The following CADM1 variants were observed in gnomAD, a reference collection of about 807,000 sequenced individuals.
The protein encoded by CADM1 is TSLC-1.
Under a neutral mutation model 53.1 loss-of-function variants are expected in CADM1, and 15 were observed. That is an observed-to-expected ratio of 0.28 (90% confidence interval 0.19 to 0.44). CADM1 has a LOEUF of 0.44. Ranked by LOEUF, CADM1 falls within the 20% of genes least tolerant of loss-of-function variation. CADM1 has a pLI of 1.00. For missense variants in CADM1, 434 were observed against 611.3 expected, an observed-to-expected ratio of 0.71 and a Z score of 3.06; for synonymous variants, 281 against 243.0, an observed-to-expected ratio of 1.16 and a Z score of -1.45.
At chr11:115,404,346 A>AAAAAAAATATAT (rs1947251974) in intron 1 of CADM1, among the ~76,000 whole-genome samples, 1 of 33,780 alleles carries the variant, frequency 3.0e-5, no homozygotes, top group Non-Finnish European at 4.9e-5. Context: ...AAAAAAAAAA[A>AAAAAAAATATAT]ATATATATAT....
intron 1 of CADM1, among the ~76,000 whole-genome samples, chr11:115,366,104 T>A (rs887703585): frequency 6.6e-6 from 1 of 152,194 alleles, no homozygotes; most frequent in African/African-American, 2.4e-5. Context: ...GTCACTCGGG[T>A]CACATGTTAT....
At chr11:115,304,659 C>A (rs1253782746) in intron 1 of CADM1, among the ~76,000 whole-genome samples, 1 of 151,934 alleles carries the variant, frequency 6.6e-6, no homozygotes, top group East Asian at 1.9e-4. Flanking sequence ...AAGCAATAAT[C>A]TGATTGGATA....
chr11:115,193,490 A>G (rs1473747664), intron 9 of CADM1, among the ~76,000 whole-genome samples: 1 of 152,212 alleles, frequency 6.6e-6, no homozygotes, highest in Non-Finnish European at 1.5e-5. Flanking sequence ...ACAATGTGCT[A>G]TAACATACCC....
intron 4 of CADM1, among the ~76,000 whole-genome samples, 155 bp from the exon 5 acceptor site, chr11:115,229,426 T>C (rs1941738565): frequency 6.6e-6 from 1 of 152,352 alleles, no homozygotes; most frequent in Non-Finnish European, 1.5e-5. Flanking sequence ...GATAGTTACC[T>C]GATAAAGTTT....
At chr11:115,195,290 T>C (rs1329036902) in intron 9 of CADM1, among the ~76,000 whole-genome samples, 1 of 152,230 alleles carries the variant, frequency 6.6e-6, no homozygotes, top group African/African-American at 2.4e-5. Context: ...AATCAGATAT[T>C]GGTAAGAACA....
chr11:115,376,670 A>G (rs1207140866), intron 1 of CADM1, among the ~76,000 whole-genome samples: 2 of 152,240 alleles, frequency 1.3e-5, no homozygotes, highest in Non-Finnish European at 2.9e-5. Flanking sequence ...CCACTGATTG[A>G]GAGAATCGTG....
intron 1 of CADM1, among the ~76,000 whole-genome samples, chr11:115,462,311 C>A (rs1285368175): frequency 6.6e-6 from 1 of 152,136 alleles, no homozygotes; most frequent in Non-Finnish European, 1.5e-5. Context: ...GAAAAGCAGC[C>A]CAGGAAGAGG....
intron 1 of CADM1, among the ~76,000 whole-genome samples, chr11:115,275,614 G>A (rs1448318682): frequency 2.6e-5 from 4 of 152,140 alleles, no homozygotes; most frequent in African/African-American, 7.2e-5. Context: ...TATTTTGCAA[G>A]TAACTTATTA....
At chr11:115,199,937 T>C (rs975010224) in intron 8 of CADM1, among the ~76,000 whole-genome samples, 1 of 152,232 alleles carries the variant, frequency 6.6e-6, no homozygotes, top group African/African-American at 2.4e-5. Flanking sequence ...TGGAACTTCA[T>C]ATGAAGCTTT....
At chr11:115,503,051 C>G (rs1305600950) in intron 1 of CADM1, among the ~76,000 whole-genome samples, 1 of 152,166 alleles carries the variant, frequency 6.6e-6, no homozygotes, top group Non-Finnish European at 1.5e-5. Context: ...CCGCTCGCAC[C>G]CCGCGGCCCC....
chr11:115,192,680 A>C (rs980722184), intron 9 of CADM1, among the ~76,000 whole-genome samples: 23 of 152,204 alleles, frequency 1.5e-4, no homozygotes, highest in Admixed American at 2.6e-4. Context: ...TTAAACAAGG[A>C]TGTTTCAAGT....
intron 1 of CADM1, among the ~76,000 whole-genome samples, chr11:115,375,767 A>G (rs1181700345): frequency 6.6e-6 from 1 of 152,100 alleles, no homozygotes; most frequent in East Asian, 1.9e-4. Context: ...TAATAATAAT[A>G]GGAAATACTT....
At chr11:115,483,374 A>T (rs1410028106) in intron 1 of CADM1, among the ~76,000 whole-genome samples, 1 of 152,224 alleles carries the variant, frequency 6.6e-6, no homozygotes. Context: ...AACAATGTGA[A>T]TTGGCATACG....
intron 1 of CADM1, among the ~76,000 whole-genome samples, chr11:115,341,622 A>G (rs906260891): frequency 2.6e-5 from 4 of 152,212 alleles, no homozygotes; most frequent in Admixed American, 2.6e-4. Context: ...GTTGACCTAG[A>G]AATAACATAC....
intron 1 of CADM1, among the ~76,000 whole-genome samples, chr11:115,298,557 G>A (rs770714231): frequency 1.7e-4 from 26 of 152,148 alleles, no homozygotes; most frequent in African/African-American, 2.2e-4. Context: ...CTTTAGCTCC[G>A]TATGTTCATG....
chr11:115,382,862 C>T (rs1297757463), intron 1 of CADM1, among the ~76,000 whole-genome samples: 1 of 152,096 alleles, frequency 6.6e-6, no homozygotes, highest in Non-Finnish European at 1.5e-5. Context: ...CAAGAATAAG[C>T]TGAATTTGCA....
chr11:115,192,546 C>T (rs574935836), intron 9 of CADM1, among the ~76,000 whole-genome samples: 12 of 152,290 alleles, frequency 7.9e-5, no homozygotes, highest in East Asian at 1.9e-4. Context: ...AAATAGGCAA[C>T]ATAAAGTACT....
chr11:115,265,686 A>T (rs1471821389), intron 1 of CADM1, among the ~76,000 whole-genome samples: 1 of 152,222 alleles, frequency 6.6e-6, no homozygotes, highest in African/African-American at 2.4e-5. Flanking sequence ...TCACTGGGTT[A>T]ATCCAAAAGA....
intron 1 of CADM1, among the ~76,000 whole-genome samples, chr11:115,459,768 C>A (rs1055152471): frequency 6.6e-6 from 1 of 152,156 alleles, no homozygotes; most frequent in African/African-American, 2.4e-5. Context: ...TGAAGAATTT[C>A]ATTCTGGACC....
Sources: allele counts gnomAD v4.1 joint callset (sites outside exome capture counted in the v4.1 genomes callset), GRCh38; gene constraint gnomAD v4.1.1; transcripts MANE v1.5; gene names NCBI Gene and HGNC (gene_info 2026-07-23, HGNC 2026-07-21).